NAALADL2: variants seen among roughly 807,000 people sequenced by gnomAD.
NAALADL2 encodes N-acetylated alpha-linked acidic dipeptidase like 2, also known as inactive N-acetylated-alpha-linked acidic dipeptidase-like protein 2.
A neutral mutation model predicts 87.2 loss-of-function variants in NAALADL2; 76 were observed. The ratio of observed to expected loss-of-function variants is 0.87; its 90% CI spans 0.72 to 1.05. NAALADL2 has a LOEUF of 1.05. Ranked by LOEUF, NAALADL2 falls within the 50% of genes least tolerant of loss-of-function variation. The pLI is 0.00. For missense variants in NAALADL2, 1,089 were observed against 945.8 expected, an observed-to-expected ratio of 1.15 and a Z score of -1.99; for synonymous variants, 354 against 331.0, an observed-to-expected ratio of 1.07 and a Z score of -0.75.
chr3:175,770,988 T>C (rs1469215596), intron 13 of NAALADL2, among the ~76,000 whole-genome samples: 1 of 152,188 alleles, frequency 6.6e-6, no homozygotes, highest in Non-Finnish European at 1.5e-5. Flanking sequence ...ATGCCATCTT[T>C]TTTCCTGAAA....
At chr3:175,400,836 TG>T (rs1770471633) in intron 5 of NAALADL2, among the ~76,000 whole-genome samples, 1 of 152,120 alleles carries the variant, frequency 6.6e-6, no homozygotes, top group Non-Finnish European at 1.5e-5. Context: ...AGCCTTAGAA[TG>T]TCTCCCAACA....
At chr3:175,342,505 C>CGTGTGTGTGTGT (rs35444340) in intron 5 of NAALADL2, among the ~76,000 whole-genome samples, 2,301 of 146,696 alleles carry the variant, frequency 0.016, 60 homozygotes, top group African/African-American at 0.052. Flanking sequence ...CCAAATATTG[C>CGTGTGTGTGTGT]GTGTGTGTGT....
intron 11 of NAALADL2, among the ~76,000 whole-genome samples, chr3:175,721,270 CAG>C (rs1461125569): frequency 6.6e-6 from 1 of 151,684 alleles, no homozygotes; most frequent in African/African-American, 2.4e-5. Flanking sequence ...AATAAAAGAA[CAG>C]GGGAAAAACT....
At chr3:174,948,042 T>C (rs1344563318) in intron 1 of NAALADL2, among the ~76,000 whole-genome samples, 1 of 152,132 alleles carries the variant, frequency 6.6e-6, no homozygotes, top group East Asian at 1.9e-4. Flanking sequence ...ACTTGACATA[T>C]TGTTAATTTT....
At chr3:175,149,630 C>T (rs1351986533) in intron 2 of NAALADL2, among the ~76,000 whole-genome samples, 1 of 152,116 alleles carries the variant, frequency 6.6e-6, no homozygotes, top group Non-Finnish European at 1.5e-5. Flanking sequence ...ATTCATGACA[C>T]ACTTTTGGTT....
Position 175,312,810 on chromosome 3 carries a change from G to A in NAALADL2, c.940-11365G>A, listed in dbSNP as rs1442078264. ...ATCAACAAATAAGAGATAGTGCCTG[G>A]CACATGGGAAATATACAGTTAAGTA... is the stretch of plus-strand genomic sequence containing the variant. On this transcript the variant is annotated intron_variant, in intron 4 of 13. Coordinates refer to ENST00000454872, the MANE Select transcript of NAALADL2 (RefSeq NM_207015.3). 5.3e-5 allele frequency among the ~76,000 whole-genome samples: 8 copies of A among 152,098 alleles called. No individual in the cohort carries two copies. The East Asian group carries it at 1.5e-3, about 29-fold the overall frequency.
intron 2 of NAALADL2, among the ~76,000 whole-genome samples, chr3:174,690,192 G>A (rs1728435028): frequency 1.3e-5 from 2 of 152,218 alleles, no homozygotes; most frequent in African/African-American, 2.4e-5. Context: ...TGTTTTGATT[G>A]TCTAGAAAAT....
intron 10 of NAALADL2, among the ~76,000 whole-genome samples, chr3:175,618,325 G>T (rs2149691123): frequency 6.6e-6 from 1 of 152,192 alleles, no homozygotes; most frequent in East Asian, 1.9e-4. Context: ...CTGAAACGAG[G>T]ATTTCTAGGA....
intron 2 of NAALADL2, among the ~76,000 whole-genome samples, chr3:175,186,760 T>C (rs1204105645): frequency 1.3e-5 from 2 of 152,154 alleles, no homozygotes; most frequent in Non-Finnish European, 2.9e-5. Flanking sequence ...TGTTTATCCC[T>C]GAAGAACTGG....
intron 1 of NAALADL2, among the ~76,000 whole-genome samples, chr3:174,937,901 A>C (rs1207436613): frequency 6.6e-6 from 1 of 152,118 alleles, no homozygotes; most frequent in Non-Finnish European, 1.5e-5. Context: ...GCAAAAATAG[A>C]AAAATATTTC....
chr3:175,033,820 T>A (rs1753077942), intron 1 of NAALADL2, among the ~76,000 whole-genome samples: 1 of 152,138 alleles, frequency 6.6e-6, no homozygotes, highest in Non-Finnish European at 1.5e-5. Context: ...CCATCTTGAA[T>A]TTCATATCTG....
chr3:174,705,550 C>G (rs7653436), intron 2 of NAALADL2, among the ~76,000 whole-genome samples: 14,584 of 151,956 alleles, frequency 0.096, 886 homozygotes, highest in Middle Eastern at 0.13. Context: ...TTTGGGAGGC[C>G]GAGGCGGGTG....
chr3:175,548,616 G>A (rs1235782179), intron 9 of NAALADL2, among the ~76,000 whole-genome samples: 1 of 151,992 alleles, frequency 6.6e-6, no homozygotes, highest in Non-Finnish European at 1.5e-5. Context: ...ATGGTAAATT[G>A]TTGTTTTATG....
intron 1 of NAALADL2, among the ~76,000 whole-genome samples, chr3:175,004,308 G>A (rs992408951): frequency 1.8e-4 from 27 of 148,278 alleles, no homozygotes; most frequent in African/African-American, 6.0e-4. Flanking sequence ...GAGCTTAGGA[G>A]GTCGAGGCCA....
intron 2 of NAALADL2, among the ~76,000 whole-genome samples, chr3:174,695,424 G>A: frequency 6.6e-6 from 1 of 151,938 alleles, no homozygotes; most frequent in African/African-American, 2.4e-5. Context: ...GATCATTTTT[G>A]ATATAACCAG....
At chr3:175,524,777 A>C (rs995550300) in intron 9 of NAALADL2, among the ~76,000 whole-genome samples, 2 of 152,198 alleles carry the variant, frequency 1.3e-5, no homozygotes, top group Admixed American at 1.3e-4. Flanking sequence ...TAAGTTAACA[A>C]GAGAGATAGC....
Position 175,280,041 on chromosome 3 carries a change from A to T in NAALADL2, c.939+23511A>T, listed in dbSNP as rs1023479785. ...TTCCTTTCACTCCACTTTAAAAAAA[A>T]AAACAGTTTTAAATATACCCTTGGA... On this transcript the variant is annotated intron_variant, in intron 4 of 13. Transcript: ENST00000454872. Among the ~76,000 whole-genome samples, 5 of 152,106 alleles carry T rather than the reference A, an allele frequency of 3.3e-5. No individual in the cohort carries two copies. The South Asian group carries it at 1.0e-3, about 32-fold the overall frequency.
At chr3:174,712,617 A>G (rs1232406122) in intron 2 of NAALADL2, among the ~76,000 whole-genome samples, 1 of 151,546 alleles carries the variant, frequency 6.6e-6, no homozygotes, top group East Asian at 1.9e-4. Flanking sequence ...CGATCTCCTG[A>G]CTTCATGATC....
At chr3:175,137,603 GA>G in intron 2 of NAALADL2, among the ~76,000 whole-genome samples, 1 of 117,530 alleles carries the variant, frequency 8.5e-6, no homozygotes, top group South Asian at 3.7e-4. Flanking sequence ...ACAAGAGATT[GA>G]CCCTTTTTTT....
Sources: gnomAD v4.1 joint callset for allele counts (sites outside exome capture counted in the v4.1 genomes callset) on GRCh38, gnomAD v4.1.1 for gene constraint, MANE v1.5 for transcripts, NCBI Gene and HGNC (gene_info 2026-07-23, HGNC 2026-07-21) for gene names.